Variants in TENM3 observed in about 807,000 individuals in gnomAD.
The protein encoded by TENM3 is teneurin transmembrane protein 3.
Under a neutral mutation model 255.1 loss-of-function variants are expected in TENM3, and 63 were observed. That is an observed-to-expected ratio of 0.25 (90% CI 0.20 to 0.30). The LOEUF (loss-of-function observed/expected upper bound fraction) is 0.30. Ranked by LOEUF, TENM3 falls within the 10% of genes least tolerant of loss-of-function variation. TENM3 has a pLI of 1.00. For synonymous variants in TENM3, 1,306 were observed against 1,322.3 expected, an observed-to-expected ratio of 0.99 and a Z score of 0.27; for missense variants, 2,929 against 3,461.1, an observed-to-expected ratio of 0.85 and a Z score of 3.86.
the TENM3 span, among the ~76,000 whole-genome samples, chr4:181,848,881 C>T: frequency 1.3e-5 from 2 of 151,790 alleles, no homozygotes; most frequent in Non-Finnish European, 2.9e-5. Context: ...AGCCCCAAAC[C>T]TTTTTGCTTC....
At chr4:182,416,980 T>C (rs1770411237) in intron 3 of TENM3, among the ~76,000 whole-genome samples, 1 of 152,150 alleles carries the variant, frequency 6.6e-6, no homozygotes, top group African/African-American at 2.4e-5. Flanking sequence ...TTTGTTGTTG[T>C]TGTTTTTTTC....
chr4:182,355,193 G>A (rs138520944), intron 3 of TENM3, among the ~76,000 whole-genome samples: 1 of 152,290 alleles, frequency 6.6e-6, no homozygotes, highest in East Asian at 1.9e-4. Context: ...CTTAAAGGAT[G>A]TGGAGAAATT....
At chr4:182,701,052 C>T (rs1409999669) in intron 12 of TENM3, among the ~76,000 whole-genome samples, 1 of 151,910 alleles carries the variant, frequency 6.6e-6, no homozygotes, top group Non-Finnish European at 1.5e-5. Context: ...GATTACCATT[C>T]TGTCCAAAAT....
chr4:182,182,050 T>A (rs1392938186), intron 1 of TENM3, among the ~76,000 whole-genome samples: 1 of 152,202 alleles, frequency 6.6e-6, no homozygotes, highest in Non-Finnish European at 1.5e-5. Flanking sequence ...CATGCATTTT[T>A]AAAATTATCT....
chr4:182,068,743 A>G, the TENM3 span, among the ~76,000 whole-genome samples: 3 of 152,248 alleles, frequency 2.0e-5, no homozygotes, highest in East Asian at 1.9e-4. Flanking sequence ...AAATAAAAAC[A>G]TATTTCTGGT....
chr4:182,305,876 T>G (rs771275271), intron 1 of TENM3, among the ~76,000 whole-genome samples: 2 of 152,236 alleles, frequency 1.3e-5, no homozygotes, highest in Admixed American at 6.5e-5. Flanking sequence ...TCTTACGTTC[T>G]TTAGTAATGG....
chr4:182,007,736 A>T, the TENM3 span, among the ~76,000 whole-genome samples: 1 of 152,016 alleles, frequency 6.6e-6, no homozygotes, highest in African/African-American at 2.4e-5. Context: ...TAAGGTTAGT[A>T]TTGTTATTTG....
chr4:181,527,709 G>C, the TENM3 span, among the ~76,000 whole-genome samples: 19,764 of 150,542 alleles, frequency 0.13, 1,393 homozygotes, highest in East Asian at 0.2. Flanking sequence ...ATATGAAAGT[G>C]TGTATTCATC....
intron 1 of TENM3, among the ~76,000 whole-genome samples, chr4:182,217,009 C>CTTTTTTTTTTTTTTTTT (rs3071526): frequency 3.0e-5 from 2 of 67,508 alleles, no homozygotes; most frequent in African/African-American, 1.1e-4. Flanking sequence ...CATTTTCTTT[C>CTTTTTTTTTTTTTTTTT]TTTTTTTTTT....
intron 2 of TENM3, among the ~76,000 whole-genome samples, chr4:182,339,596 C>T (rs1764353721): frequency 6.6e-6 from 1 of 152,194 alleles, no homozygotes; most frequent in African/African-American, 2.4e-5. Context: ...TCCTTTCCCC[C>T]TGCCTCGGCC....
At chr4:181,676,136 G>C in the TENM3 span, among the ~76,000 whole-genome samples, 1 of 152,068 alleles carries the variant, frequency 6.6e-6, no homozygotes, top group Non-Finnish European at 1.5e-5. Context: ...TTCCAGGGTA[G>C]TTTTGAGCTT....
the TENM3 span, among the ~76,000 whole-genome samples, chr4:181,558,761 T>G: frequency 6.6e-6 from 1 of 152,356 alleles, no homozygotes; most frequent in African/African-American, 2.4e-5. Context: ...CAATATGGCA[T>G]TGGTCAGGCA....
intron 3 of TENM3, among the ~76,000 whole-genome samples, chr4:182,543,555 A>G (rs1401177924): frequency 6.6e-6 from 1 of 152,232 alleles, no homozygotes; most frequent in Non-Finnish European, 1.5e-5. Flanking sequence ...TAAACAGGTT[A>G]CTGAGGCCTC....
At chr4:181,969,436 A>G in the TENM3 span, among the ~76,000 whole-genome samples, 5 of 152,222 alleles carry the variant, frequency 3.3e-5, no homozygotes, top group African/African-American at 1.2e-4. Flanking sequence ...GAATATTGAT[A>G]TATATTGAGC....
At chr4:181,500,111 C>T in the TENM3 span, among the ~76,000 whole-genome samples, 25 of 151,344 alleles carry the variant, frequency 1.7e-4, no homozygotes, top group African/African-American at 5.3e-4. Context: ...TCACTGCAAC[C>T]TACGCCTCTT....
At chr4:182,498,800 A>T (rs1736050055) in intron 3 of TENM3, among the ~76,000 whole-genome samples, 1 of 152,058 alleles carries the variant, frequency 6.6e-6, no homozygotes, top group Admixed American at 6.6e-5. Flanking sequence ...GGTTGCAGTG[A>T]GTTGAGATTG....
the TENM3 span, among the ~76,000 whole-genome samples, chr4:182,037,293 C>G: frequency 0.013 from 1,936 of 152,106 alleles, 45 homozygotes; most frequent in African/African-American, 0.044. Flanking sequence ...GACTTACAGG[C>G]ATGTGCCACC....
At chr4:181,902,534 A>G in the TENM3 span, among the ~76,000 whole-genome samples, 4 of 152,224 alleles carry the variant, frequency 2.6e-5, no homozygotes, top group Non-Finnish European at 5.9e-5. Flanking sequence ...AATGCCCATC[A>G]ATGATAGACT....
chr4:182,683,686 C>T (rs535271898), intron 11 of TENM3, among the ~76,000 whole-genome samples: 1 of 151,936 alleles, frequency 6.6e-6, no homozygotes, highest in African/African-American at 2.4e-5. Flanking sequence ...GAGGATTTAT[C>T]GATAGCAATA....
Sources: gnomAD v4.1 joint callset for allele counts (sites outside exome capture counted in the v4.1 genomes callset) on GRCh38, gnomAD v4.1.1 for gene constraint, MANE v1.5 for transcripts, NCBI Gene and HGNC (gene_info 2026-07-23, HGNC 2026-07-21) for gene names.